Variants in NWD2 observed in about 807,000 individuals in gnomAD.
The protein encoded by NWD2 is NACHT and WD repeat domain containing 2.
In NWD2, 37 loss-of-function variants were observed where a neutral mutation model predicts 132.7. That is an observed-to-expected ratio of 0.28 (90% CI 0.21 to 0.37). NWD2 has a LOEUF of 0.37. Among genes scored for constraint, NWD2 ranks in the 10% least tolerant of loss-of-function variants. NWD2 has a pLI of 1.00. For synonymous variants in NWD2, 705 were observed against 803.0 expected, an observed-to-expected ratio of 0.88 and a Z score of 2.06; for missense variants, 1,592 against 2,122.4, an observed-to-expected ratio of 0.75 and a Z score of 4.91.
intron 3 of NWD2, among the ~76,000 whole-genome samples, chr4:37,380,989 A>C (rs1720441886): frequency 6.6e-6 from 1 of 152,166 alleles, no homozygotes; most frequent in African/African-American, 2.4e-5. Flanking sequence ...ATGGAGATTA[A>C]AATCTCACCT....
rs143040243 is a variant in NWD2 at position 37,245,355 on chromosome 4, G to C, written c.151+137G>C. On this transcript the variant is annotated intron_variant, in intron 1 of 6. Transcript: ENST00000309447. ...AGCTAAAGCCGTGGCCGCCCTGAGC[G>C]CGTGGGAATTTAATTTGAATCACTT... The C allele has an allele frequency of 7.0e-4, 758 of 1,084,664 alleles. 14 individuals carry two copies. The East Asian group carries it at 0.021, about 29-fold the overall frequency. The allele number at this position is 1,084,664 out of a possible 1,614,324, so 67.2% of individuals were successfully genotyped here.
At chr4:37,282,158 GCAA>G (rs1196835021) in intron 1 of NWD2, among the ~76,000 whole-genome samples, 8 of 152,100 alleles carry the variant, frequency 5.3e-5, no homozygotes, top group Non-Finnish European at 8.8e-5. Context: ...CATGTAAAAA[GCAA>G]CAGCTCTTTC....
chr4:37,428,629 G>A (rs1369881830), intron 3 of NWD2, among the ~76,000 whole-genome samples: 2 of 152,214 alleles, frequency 1.3e-5, no homozygotes, highest in Admixed American at 6.5e-5. Context: ...GTTCCCAGGT[G>A]TTGCAGATGC....
intron 1 of NWD2, among the ~76,000 whole-genome samples, chr4:37,298,373 G>A: frequency 6.6e-6 from 1 of 152,142 alleles, no homozygotes; most frequent in East Asian, 1.9e-4. Context: ...ATCACAAAAT[G>A]ACTTTGTCTA....
chr4:37,342,956 G>A (rs139576903), intron 2 of NWD2, among the ~76,000 whole-genome samples: 10 of 152,018 alleles, frequency 6.6e-5, no homozygotes, highest in South Asian at 2.1e-4. Flanking sequence ...CTATATATCC[G>A]TCATATGTCT....
rs974320495 is a variant in NWD2 at position 37,449,063 on chromosome 4, C to T, written c.*1846C>T. 2.0e-5 allele frequency: 3 copies of T among 152,310 alleles called. 1 individual carries two copies. In the East Asian group the frequency reaches 5.8e-4, roughly 29 times the overall value. 9.4% of individuals were successfully genotyped at this position (152,310 alleles called of 1,614,324 possible). A position where few individuals can be genotyped will look rare whatever the true frequency, so the allele number is the denominator to read the frequency against. ...AGAAGGCAAACCACATACAGATCAC[C>T]TGGAGTTGATTATATGAGTCTATGC... On this transcript the variant is annotated 3_prime_UTR_variant, in exon 7 of 7. Transcript: ENST00000309447.
chr4:37,315,481 G>GT (rs571419315), intron 1 of NWD2, among the ~76,000 whole-genome samples: 2 of 151,652 alleles, frequency 1.3e-5, no homozygotes, highest in Non-Finnish European at 2.9e-5. Context: ...AATTGTTATA[G>GT]TTTTTTTTCC....
At chr4:37,281,631 A>G (rs1255070444) in intron 1 of NWD2, among the ~76,000 whole-genome samples, 1 of 152,104 alleles carries the variant, frequency 6.6e-6, no homozygotes, top group Non-Finnish European at 1.5e-5. Flanking sequence ...TCCCCATTTC[A>G]TATATGAGAA....
Position 37,444,225 on chromosome 4 carries a change from T to C in NWD2, c.2237T>C (p.Leu746Pro). ...HLQLIAQKLYLQDDNDLREMH... is the reference protein window; with the variant it reads ...HLQLIAQKLYPQDDNDLREMH... Reference sequence around the variant, plus strand: ...CAGCTCATAGCCCAGAAGCTATATCTGCAGGATGACAATGACCTGCGTGAA... The same window carrying C: ...CAGCTCATAGCCCAGAAGCTATATCCGCAGGATGACAATGACCTGCGTGAA... Residue 746 changes from leucine to proline, a missense_variant, in exon 7 of 7, where the codon CTG becomes CCG. Physicochemically the swap from Leu to Pro is moderately conservative, Grantham distance 98. Transcript: ENST00000309447. This position sits in a 1 kb window ranked among gnomAD's most constrained non-coding sequence, Gnocchi z 4.8. 1 of 1,551,746 alleles carries C rather than the reference T, an allele frequency of 6.4e-7. No homozygotes were observed. The highest frequency in any genetic ancestry group is 2.4e-5 in the East Asian group (1 of 40,926).
intron 3 of NWD2, among the ~76,000 whole-genome samples, chr4:37,359,894 G>A (rs555735645): frequency 6.6e-6 from 1 of 152,326 alleles, no homozygotes; most frequent in African/African-American, 2.4e-5. Context: ...GTGCTAGAGT[G>A]AGGGAGCCTG....
intron 3 of NWD2, among the ~76,000 whole-genome samples, chr4:37,397,314 C>T (rs1157843423): frequency 6.6e-6 from 1 of 152,120 alleles, no homozygotes; most frequent in African/African-American, 2.4e-5. Context: ...CCAGAGTACC[C>T]AGGTATTTGG....
intron 2 of NWD2, among the ~76,000 whole-genome samples, chr4:37,342,257 G>GCT (rs1228804879): frequency 6.6e-6 from 1 of 152,056 alleles, no homozygotes; most frequent in African/African-American, 2.4e-5. Context: ...GAGGCTGGCA[G>GCT]CTCCTCCTTT....
intron 1 of NWD2, among the ~76,000 whole-genome samples, chr4:37,309,974 G>C (rs1363533274): frequency 6.6e-6 from 1 of 152,122 alleles, no homozygotes; most frequent in East Asian, 1.9e-4. Context: ...AAGTTTTCTA[G>C]CTGGTGAAGA....
intron 1 of NWD2, among the ~76,000 whole-genome samples, chr4:37,287,405 G>A (rs1320276831): frequency 1.3e-5 from 2 of 152,208 alleles, no homozygotes; most frequent in Non-Finnish European, 2.9e-5. Flanking sequence ...ACCTGGGTTG[G>A]GGAAGGGTGG....
At chr4:37,257,378 G>T (rs1431522971) in intron 1 of NWD2, among the ~76,000 whole-genome samples, 1 of 152,202 alleles carries the variant, frequency 6.6e-6, no homozygotes, top group Non-Finnish European at 1.5e-5. Flanking sequence ...TTGAAAGTTA[G>T]ATTCAGGTTT....
chr4:37,394,816 T>TTTTTG (rs1560411813), intron 3 of NWD2, among the ~76,000 whole-genome samples: 2 of 127,048 alleles, frequency 1.6e-5, no homozygotes, highest in African/African-American at 3.0e-5. Context: ...TTTTTTTTTT[T>TTTTTG]TTTTTTTTTT....
Position 37,415,296 on chromosome 4 carries a change from TG to T in NWD2, c.358-15275del, listed in dbSNP as rs372924280. Reference sequence around the variant, plus strand: ...TCTCTTGGCTTTAAAGTGGAGGTAGTGCATCACAATGTGGTTCTAAAGATCA... The same window carrying T: ...TCTCTTGGCTTTAAAGTGGAGGTAGTCATCACAATGTGGTTCTAAAGATCA... On this transcript the variant is annotated intron_variant, in intron 3 of 6. Transcript: ENST00000309447. Among the ~76,000 whole-genome samples the T allele has an allele frequency of 5.2e-3, 788 of 152,336 alleles. 6 individuals carry two copies. Among genetic ancestry groups the T allele is most frequent in the African/African-American group, 0.018 (751 of 41,580 alleles).
chr4:37,335,388 G>A (rs1489642818), intron 2 of NWD2, among the ~76,000 whole-genome samples: 1 of 151,712 alleles, frequency 6.6e-6, no homozygotes, highest in Non-Finnish European at 1.5e-5. Flanking sequence ...CCTTCTATGA[G>A]ATTCCAGAGT....
At chr4:37,393,604 C>T (rs1720722133) in intron 3 of NWD2, among the ~76,000 whole-genome samples, 2 of 152,278 alleles carry the variant, frequency 1.3e-5, no homozygotes, top group East Asian at 3.9e-4. Context: ...TTAGTAGGGA[C>T]CACTATTTTA....
Sources: gnomAD v4.1 joint callset for allele counts (sites outside exome capture counted in the v4.1 genomes callset) on GRCh38, gnomAD v4.1.1 for gene constraint, Gnocchi (gnomAD v3.1) non-coding constraint, MANE v1.5 for transcripts, NCBI Gene and HGNC (gene_info 2026-07-23, HGNC 2026-07-21) for gene names.